ALKBH3: variants seen among roughly 807,000 people sequenced by gnomAD.
The protein encoded by ALKBH3 is alpha-ketoglutarate-dependent dioxygenase alkB homolog 3.
ALKBH3 carries 51 observed loss-of-function variants against 43.9 expected under a neutral mutation model. That is an observed-to-expected ratio of 1.16 (90% CI 0.93 to 1.47). The LOEUF is 1.47. Ranked by LOEUF, ALKBH3 falls within the 40% of genes most tolerant of loss-of-function variation. ALKBH3 has a pLI of 0.00. For synonymous variants in ALKBH3, 102 were observed against 115.2 expected (o/e 0.89, Z 0.73); for missense variants, 361 against 351.9 (o/e 1.03, Z -0.21).
At chr11:43,918,670 G>T (rs1952002471) in intron 8 of ALKBH3, 1 of 170,430 alleles carries the variant, frequency 5.9e-6, no homozygotes. Flanking sequence ...TCTTGTACAG[G>T]TGACTTTTAT....
chr11:43,898,683 C>G (rs1590372771), intron 7 of ALKBH3: 1 of 715,788 alleles, frequency 1.4e-6, no homozygotes, highest in Non-Finnish European at 2.6e-6. Context: ...GGTGGATCAT[C>G]GAGGTGGTGA....
At chr11:43,901,064 G>A (rs1951860256) in intron 7 of ALKBH3, among the ~76,000 whole-genome samples, 1 of 152,168 alleles carries the variant, frequency 6.6e-6, no homozygotes, top group African/African-American at 2.4e-5. Flanking sequence ...CGAACAGAGG[G>A]CCACCCAGCA....
Position 43,883,994 on chromosome 11 carries a change from A to T in ALKBH3, c.195A>T (p.Arg65Ser). ...CTATTTCCTTGCAGGTAGTACGTAG[A>T]GCTCCTGAGCCACGAGTGATTGAGT... ...VFKEPQQVVR[R>S]APEPRVIDRE... Residue 65 changes from arginine (R) to serine (S), a missense_variant, in exon 4 of 10, where the codon AGA (arginine) becomes AGT (serine). Arg to Ser is a moderately radical substitution (Grantham distance 110). Transcript: ENST00000302708. 6.2e-7 allele frequency: 1 copy of T among 1,613,982 alleles called. No homozygotes were observed. The highest frequency in any genetic ancestry group is 8.5e-7 in the Non-Finnish European group (1 of 1,179,926).
chr11:43,893,931 G>A (rs2135184499), intron 7 of ALKBH3, among the ~76,000 whole-genome samples: 1 of 152,184 alleles, frequency 6.6e-6, no homozygotes, highest in East Asian at 1.9e-4. Flanking sequence ...GCCCAGGCTG[G>A]TGTTGAACAC....
rs1351231211 is a variant in ALKBH3 at position 43,901,673 on chromosome 11, C to T, written c.617C>T (p.Ser206Leu). The T allele has an allele frequency of 6.2e-6, 10 of 1,614,144 alleles. No individual in the cohort carries two copies. Among genetic ancestry groups the T allele is most frequent in the Non-Finnish European group, 8.5e-6 (10 of 1,180,052 alleles). ...CTAGGGAGGTGCCCCATTATTGCTTCACTAAGTTTTGGTGCCACACGCACA... is the reference window on the plus strand; with the variant it reads ...CTAGGGAGGTGCCCCATTATTGCTTTACTAAGTTTTGGTGCCACACGCACA... ...PSLGRCPIIA[S>L]LSFGATRTFE... is the part of the protein sequence containing the mutation. Residue 206 changes from serine (S) to leucine (L), a missense_variant, in exon 8 of 10, where the codon TCA (serine) becomes TTA (leucine). Ser to Leu is a moderately radical substitution (Grantham distance 145). Transcript: ENST00000302708.
chr11:43,912,817 T>G (rs1951950510), intron 8 of ALKBH3, among the ~76,000 whole-genome samples: 1 of 152,126 alleles, frequency 6.6e-6, no homozygotes, highest in South Asian at 2.1e-4. Flanking sequence ...AATAAAACAG[T>G]TGAGGTGTAT....
At chr11:43,882,808 T>C (rs1951721130) in intron 2 of ALKBH3, 77 bp downstream of exon 2, 2 of 1,397,638 alleles carry the variant, frequency 1.4e-6, no homozygotes, top group South Asian at 1.4e-5. Flanking sequence ...CCTTTTGGTT[T>C]ATAATGGACT....
At chr11:43,910,362 A>T (rs1272635994) in intron 8 of ALKBH3, 1 of 152,178 alleles carries the variant, frequency 6.6e-6, no homozygotes, top group Non-Finnish European at 1.5e-5. Flanking sequence ...ATAGGATCTC[A>T]TTAGTTCTTA....
chr11:43,883,370 T>C (rs1951725016), intron 3 of ALKBH3, among the ~76,000 whole-genome samples, 182 bp downstream of exon 3: 1 of 152,244 alleles, frequency 6.6e-6, no homozygotes, highest in Admixed American at 6.5e-5. Context: ...TTCTTCGTAG[T>C]CTGCTCCCAG....
chr11:43,906,596 C>A (rs1293984601), intron 8 of ALKBH3, among the ~76,000 whole-genome samples: 1 of 152,120 alleles, frequency 6.6e-6, no homozygotes, highest in Admixed American at 6.5e-5. Context: ...CACCTGCAAC[C>A]CCAGCACTTT....
chr11:43,883,950 T>C (rs1951730906), intron 3 of ALKBH3, 33 bp from the exon 4 acceptor site: 1 of 1,612,666 alleles, frequency 6.2e-7, no homozygotes, highest in South Asian at 1.1e-5. Flanking sequence ...ATTAAGAACA[T>C]CCCAGAAGTA....
rs528349601 is a variant in ALKBH3 at position 43,914,174 on chromosome 11, T to C, written c.670-4864T>C. On this transcript the variant is annotated intron_variant, in intron 8 of 9. Coordinates refer to ENST00000302708, the MANE Select transcript of ALKBH3 (RefSeq NM_139178.4). The stretch of plus-strand genomic sequence containing the variant: ...GATTTCAGAAGGAATAGAGCTTACC[T>C]TGGAGAGCAGAGTATAGTGGAAAGA... Among the ~76,000 whole-genome samples, 8 of 152,330 alleles carry C rather than the reference T, an allele frequency of 5.3e-5. No homozygotes were observed. The South Asian group carries it at 1.7e-3, about 32-fold the overall frequency.
intron 8 of ALKBH3, among the ~76,000 whole-genome samples, chr11:43,907,605 T>G (rs950036630): frequency 1.3e-5 from 2 of 152,170 alleles, no homozygotes; most frequent in African/African-American, 4.8e-5. Flanking sequence ...CCATCTGGTA[T>G]CTGGTGATTT....
At chr11:43,898,133 C>G in intron 7 of ALKBH3, 3 of 1,168,294 alleles carry the variant, frequency 2.6e-6, no homozygotes, top group Non-Finnish European at 3.9e-6. Flanking sequence ...GTGGGCATCC[C>G]TGATAACAAA....
chr11:43,895,139 T>TACTTAATAA (rs1951809554), intron 7 of ALKBH3, among the ~76,000 whole-genome samples: 1 of 152,286 alleles, frequency 6.6e-6, no homozygotes, highest in South Asian at 2.1e-4. Flanking sequence ...CCATGGGATA[T>TACTTAATAA]ACTTAATAAT....
intron 8 of ALKBH3, among the ~76,000 whole-genome samples, chr11:43,904,584 G>A (rs1186440957): frequency 6.6e-6 from 1 of 152,114 alleles, no homozygotes; most frequent in Non-Finnish European, 1.5e-5. Context: ...CTCACTAACG[G>A]ATTTCCAAAA....
At position 43,884,033 on chromosome 11, in the gene ALKBH3, T is replaced by A; in HGVS notation, c.218+16T>A. The stretch of plus-strand genomic sequence containing the variant: ...GAGTGATTGAGTAAGTAATTTGCTG[T>A]CTTCCTGTAATTGTTGCCCACAGTG... On this transcript the variant is annotated intron_variant, in intron 4 of 9. Transcript: ENST00000302708. The A allele has an allele frequency of 6.2e-7, 1 of 1,613,894 alleles. No individual in the cohort carries two copies. The highest frequency in any genetic ancestry group is 8.5e-7 in the Non-Finnish European group (1 of 1,179,864).
chr11:43,901,734 T>G lies in ALKBH3; in HGVS notation c.669+9T>G. 1 of 1,613,752 alleles carries G rather than the reference T, an allele frequency of 6.2e-7. No homozygotes were observed. Among genetic ancestry groups the G allele is most frequent in the Non-Finnish European group, 8.5e-7 (1 of 1,179,654 alleles). On this transcript the variant is annotated intron_variant, in intron 8 of 9. Coordinates refer to ENST00000302708, the MANE Select transcript of ALKBH3 (RefSeq NM_139178.4). ...GAAAGAAGCCACCACCAGTGAGTAT[T>G]CTCTTTTTCTTATGCTCTTCCTGCC...
intron 4 of ALKBH3, among the ~76,000 whole-genome samples, chr11:43,884,870 G>A (rs1424564023): frequency 6.6e-6 from 1 of 152,068 alleles, no homozygotes; most frequent in African/African-American, 2.4e-5. Flanking sequence ...TCCCACCTCA[G>A]CCTCCCGAGT....
Sources: allele counts gnomAD v4.1 joint callset (sites outside exome capture counted in the v4.1 genomes callset), GRCh38; gene constraint gnomAD v4.1.1; transcripts MANE v1.5; gene names NCBI Gene and HGNC (gene_info 2026-07-23, HGNC 2026-07-21).